The following ASIC2 variants were observed in gnomAD, a reference collection of about 807,000 sequenced individuals.
The protein encoded by ASIC2 is acid-sensing ion channel 2.
In ASIC2, 25 loss-of-function variants were observed where a neutral mutation model predicts 57.3. The ratio of observed to expected loss-of-function variants is 0.44; its 90% CI spans 0.32 to 0.61. The LOEUF (loss-of-function observed/expected upper bound fraction) is 0.61, where lower values mean the gene tolerates loss of function less well. Among genes scored for constraint, ASIC2 ranks in the 20% least tolerant of loss-of-function variants. ASIC2 has a pLI of 0.06. For missense variants in ASIC2, 641 were observed against 738.1 expected (o/e 0.87, Z 1.52); for synonymous variants, 319 against 307.5 (o/e 1.04, Z -0.39).
chr17:33,375,275 T>C (rs887762702), intron 1 of ASIC2, among the ~76,000 whole-genome samples: 1 of 151,738 alleles, frequency 6.6e-6, no homozygotes, highest in Non-Finnish European at 1.5e-5. Flanking sequence ...AAGTGAGCCA[T>C]GTGGCTCTCT....
At chr17:33,062,185 G>T (rs1241412981) in intron 3 of ASIC2, among the ~76,000 whole-genome samples, 1 of 151,962 alleles carries the variant, frequency 6.6e-6, no homozygotes, top group Admixed American at 6.6e-5. Context: ...GATCTTGGTT[G>T]TTTCTTGCCT....
At chr17:33,926,402 T>C (rs1005732257) in intron 1 of ASIC2, among the ~76,000 whole-genome samples, 5 of 152,196 alleles carry the variant, frequency 3.3e-5, no homozygotes, top group Admixed American at 2.6e-4. Context: ...TGAGATATCT[T>C]GGGGATAAGC....
Position 33,510,658 on chromosome 17 carries a change from TA to T in ASIC2, c.556-398592del, listed in dbSNP as rs1003546320. 2.7e-3 allele frequency among the ~76,000 whole-genome samples: 417 copies of T among 152,278 alleles called. 4 individuals carry two copies. The highest frequency in any genetic ancestry group is 9.6e-3 in the African/African-American group (399 of 41,530). On this transcript the variant is annotated intron_variant, in intron 1 of 9. Transcript: ENST00000359872. ...AAATAAAACTAAACATTAAATTTTT[TA>T]AAAAAAAGAAACAAAGGGCTTAGTC...
chr17:33,798,993 C>G (rs1016317988), intron 1 of ASIC2, among the ~76,000 whole-genome samples: 2 of 152,194 alleles, frequency 1.3e-5, no homozygotes, highest in African/African-American at 2.4e-5. Flanking sequence ...ATCTCTGTGT[C>G]CCTGGAGCTG....
intron 1 of ASIC2, among the ~76,000 whole-genome samples, chr17:34,064,514 G>C (rs1323511142): frequency 6.6e-6 from 1 of 151,974 alleles, no homozygotes; most frequent in Non-Finnish European, 1.5e-5. Flanking sequence ...AATAAAAAGA[G>C]ATAAATAGCT....
At chr17:33,973,725 C>T (rs903686116) in intron 1 of ASIC2, among the ~76,000 whole-genome samples, 20 of 152,138 alleles carry the variant, frequency 1.3e-4, no homozygotes, top group African/African-American at 3.1e-4. Flanking sequence ...CACAGCCCAT[C>T]GTTTACACAC....
intron 1 of ASIC2, among the ~76,000 whole-genome samples, chr17:33,258,884 C>T (rs531687532): frequency 2.6e-5 from 4 of 152,300 alleles, no homozygotes; most frequent in African/African-American, 9.6e-5. Context: ...TATGAACATG[C>T]ACAGTGGAGG....
intron 1 of ASIC2, among the ~76,000 whole-genome samples, chr17:33,285,112 C>T (rs974012760): frequency 2.0e-5 from 3 of 152,200 alleles, no homozygotes; most frequent in Non-Finnish European, 4.4e-5. Context: ...AACCGACCCG[C>T]GAAGCAAATG....
intron 1 of ASIC2, among the ~76,000 whole-genome samples, chr17:34,020,561 T>C (rs1354305405): frequency 6.6e-6 from 1 of 152,144 alleles, no homozygotes; most frequent in African/African-American, 2.4e-5. Flanking sequence ...TTAGAGAGAT[T>C]TGAGTGATAG....
intron 1 of ASIC2, among the ~76,000 whole-genome samples, chr17:33,167,262 C>T (rs896529403): frequency 2.6e-5 from 4 of 152,194 alleles, no homozygotes; most frequent in Non-Finnish European, 5.9e-5. Context: ...GGTGGCACCA[C>T]CCTCCCAAGT....
intron 1 of ASIC2, among the ~76,000 whole-genome samples, chr17:34,087,961 T>C (rs903479530): frequency 1.3e-5 from 2 of 152,236 alleles, no homozygotes; most frequent in African/African-American, 2.4e-5. Flanking sequence ...TTCAAAGTTT[T>C]TAACTTCTTT....
intron 1 of ASIC2, among the ~76,000 whole-genome samples, chr17:33,835,679 C>A (rs377119917): frequency 1.6e-4 from 24 of 152,274 alleles, no homozygotes; most frequent in African/African-American, 5.5e-4. Context: ...TTTTGCTATG[C>A]TCTCCTGACT....
intron 1 of ASIC2, among the ~76,000 whole-genome samples, chr17:33,950,948 G>A (rs1904542187): frequency 6.6e-6 from 1 of 152,148 alleles, no homozygotes; most frequent in South Asian, 2.1e-4. Context: ...TTGATCTTCA[G>A]AGGTATGATT....
chr17:33,057,087 T>C (rs931587702), intron 3 of ASIC2, among the ~76,000 whole-genome samples: 3 of 152,096 alleles, frequency 2.0e-5, no homozygotes, highest in Admixed American at 6.5e-5. Context: ...ATTAGGGCTG[T>C]CTGCTGTAAT....
chr17:33,215,845 GCC>G (rs1907461078), intron 1 of ASIC2, among the ~76,000 whole-genome samples: 1 of 152,026 alleles, frequency 6.6e-6, no homozygotes, highest in Non-Finnish European at 1.5e-5. Context: ...GACTACAGGC[GCC>G]CGCCACCTCG....
chr17:33,448,845 A>G (rs948811557), intron 1 of ASIC2, among the ~76,000 whole-genome samples: 3 of 152,240 alleles, frequency 2.0e-5, no homozygotes, highest in Non-Finnish European at 4.4e-5. Context: ...AGAATGGACT[A>G]GGTGTGCGAT....
At chr17:33,987,974 G>T (rs893898203) in intron 1 of ASIC2, among the ~76,000 whole-genome samples, 2 of 152,198 alleles carry the variant, frequency 1.3e-5, no homozygotes, top group Admixed American at 6.5e-5. Context: ...TGTAATTTGT[G>T]AGGGAGACAG....
At chr17:33,645,646 A>G (rs1406630731) in intron 1 of ASIC2, among the ~76,000 whole-genome samples, 1 of 152,092 alleles carries the variant, frequency 6.6e-6, no homozygotes, top group East Asian at 1.9e-4. Context: ...CTCCTTACCC[A>G]TATTTTTGAC....
chr17:33,618,487 A>C (rs1379722467), intron 1 of ASIC2, among the ~76,000 whole-genome samples: 1 of 152,212 alleles, frequency 6.6e-6, no homozygotes, highest in Non-Finnish European at 1.5e-5. Flanking sequence ...TACAAAGCCA[A>C]TGGGAAAGAA....
Sources: gnomAD v4.1 joint callset for allele counts (sites outside exome capture counted in the v4.1 genomes callset) on GRCh38, gnomAD v4.1.1 for gene constraint, MANE v1.5 for transcripts, NCBI Gene and HGNC (gene_info 2026-07-23, HGNC 2026-07-21) for gene names.